The following SKI variants were observed in gnomAD, a reference collection of about 807,000 sequenced individuals.
SKI encodes the protein ski oncogene.
SKI carries 23 observed loss-of-function variants against 59.3 expected under a neutral mutation model. The ratio of observed to expected loss-of-function variants is 0.39; its 90% CI spans 0.28 to 0.55. SKI has a LOEUF of 0.55. SKI is among the 20% of genes least tolerant of loss of function. The pLI, the probability that SKI is intolerant of heterozygous loss-of-function variation, is 0.67. For synonymous variants in SKI, 673 were observed against 488.6 expected, an observed-to-expected ratio of 1.38 and a Z score of -4.98; for missense variants, 1,017 against 1,038.9, an observed-to-expected ratio of 0.98 and a Z score of 0.29.
chr1:2,305,880 C>A (rs1162938851), intron 5 of SKI, 140 bp from the exon 6 acceptor site: 10 of 741,902 alleles, frequency 1.3e-5, no homozygotes, highest in Non-Finnish European at 2.4e-5. Context: ...ACGGGTTGGG[C>A]TGATGGCGCG....
chr1:2,244,592 G>A (rs995117586), intron 1 of SKI, among the ~76,000 whole-genome samples: 3 of 152,006 alleles, frequency 2.0e-5, no homozygotes, highest in Non-Finnish European at 4.4e-5. Flanking sequence ...AAAACGAAAA[G>A]CAAAAACAAG....
intron 1 of SKI, among the ~76,000 whole-genome samples, chr1:2,232,945 C>G (rs572217361): frequency 1.2e-4 from 18 of 152,158 alleles, no homozygotes; most frequent in Admixed American, 9.8e-4. Context: ...TCTTTCCGGT[C>G]GGCTCGCCTC....
rs528751754 is a variant in SKI at position 2,306,374 on chromosome 1, G to T, written c.1998+124G>T. On this transcript the variant is annotated intron_variant, in intron 6 of 6. Coordinates refer to ENST00000378536, the MANE Select transcript of SKI (RefSeq NM_003036.4). ...GAAGCCAGGCCCGGGACCACGTTCC[G>T]TGCGTGCCCCCCCGACGGGCACAGG... 3.7e-5 allele frequency: 39 copies of T among 1,063,362 alleles called. No homozygotes were observed. In the South Asian group the frequency reaches 6.4e-4, roughly 17 times the overall value. 65.9% of individuals were successfully genotyped at this position (1,063,362 alleles called of 1,614,324 possible).
At position 2,285,484 on chromosome 1, in the gene SKI, C is replaced by T. The variant is rs557406019; in HGVS notation, c.970-17494C>T. On this transcript the variant is annotated intron_variant, in intron 1 of 6. Transcript: ENST00000378536. ...GAGCTGAGATCGTGCCACTGCACTCCAGCCTGGGTGACAAAAGCAAAAGTC... is the reference window on the plus strand; with the variant it reads ...GAGCTGAGATCGTGCCACTGCACTCTAGCCTGGGTGACAAAAGCAAAAGTC... Among the ~76,000 whole-genome samples the T allele has an allele frequency of 1.5e-4, 23 of 151,782 alleles. 1 individual carries two copies. The East Asian group carries it at 3.7e-3, about 25-fold the overall frequency.
In SKI at chr1:2,306,751, G is replaced by A; in HGVS notation, c.2173G>A (p.Glu725Lys). 6.6e-7 allele frequency: 1 copy of A among 1,523,008 alleles called. No individual in the cohort carries two copies. The highest frequency in any genetic ancestry group is 8.8e-7 in the Non-Finnish European group (1 of 1,138,424). The allele number at this position is 1,523,008 out of a possible 1,614,324, so 94.3% of individuals were successfully genotyped here. A position where few individuals can be genotyped will look rare whatever the true frequency, so the allele number is the denominator to read the frequency against. The change falls in exon 7 of 7, where the codon GAG (glutamate) becomes AAG (lysine). Residue 725 changes from glutamate (E) to lysine (K), a missense_variant. Coordinates refer to ENST00000378536, the MANE Select transcript of SKI (RefSeq NM_003036.4). ...PEAAGSEGAA[E>K]LEP ...GGCTGCGGGCAGCGAGGGCGCTGCG[G>A]AGCTGGAGCCGTAGATTCCGTGCCT...
chr1:2,240,291 C>A (rs763467791), intron 1 of SKI, among the ~76,000 whole-genome samples: 6 of 152,162 alleles, frequency 3.9e-5, no homozygotes, highest in Non-Finnish European at 7.3e-5. Context: ...GGGAAGCCAC[C>A]GGCAGAGAAG....
At chr1:2,299,309 G>A (rs569300398) in intron 1 of SKI, among the ~76,000 whole-genome samples, 62 of 152,264 alleles carry the variant, frequency 4.1e-4, no homozygotes, top group African/African-American at 1.4e-3. Context: ...TCCTCCTCAC[G>A]GACTCTGGAA....
chr1:2,242,790 G>T (rs1038496170), intron 1 of SKI, among the ~76,000 whole-genome samples: 1 of 152,200 alleles, frequency 6.6e-6, no homozygotes, highest in Non-Finnish European at 1.5e-5. Context: ...AAAGTGCTGT[G>T]AGCCACCACT....
At chr1:2,306,394 C>T in intron 6 of SKI, 144 bp downstream of exon 6, 1 of 1,009,748 alleles carries the variant, frequency 9.9e-7, no homozygotes, top group Non-Finnish European at 1.4e-6. Context: ...CCCCGACGGG[C>T]ACAGGGTGGG....
chr1:2,273,548 C>T (rs754991797), intron 1 of SKI, among the ~76,000 whole-genome samples: 6 of 152,256 alleles, frequency 3.9e-5, no homozygotes, highest in Non-Finnish European at 7.4e-5. Flanking sequence ...GCCAGGGACA[C>T]CCGTGACCCT....
intron 1 of SKI, among the ~76,000 whole-genome samples, chr1:2,260,529 CTTTTTCTT>C (rs1639362001): frequency 1.9e-5 from 1 of 51,322 alleles, no homozygotes; most frequent in African/African-American, 8.1e-5. Flanking sequence ...TCAGTTTGTT[CTTTTTCTT>C]TTTTTTTTTT....
Position 2,310,078 on chromosome 1 carries a change from T to C in SKI, c.*3313T>C, listed in dbSNP as rs1267392464. The C allele has an allele frequency of 1.3e-5, 2 of 151,586 alleles. No homozygotes were observed. The highest frequency in any genetic ancestry group is 6.6e-5 in the Admixed American group (1 of 15,216). 9.4% of individuals were successfully genotyped at this position (151,586 alleles called of 1,614,324 possible). A position where few individuals can be genotyped will look rare whatever the true frequency, so the allele number is the denominator to read the frequency against. ...TCGGAAACTATTTTTATGTAATTAA[T>C]GTATGCTTTCTTGTTTATAAATGCC... On this transcript the variant is annotated 3_prime_UTR_variant, in exon 7 of 7. Coordinates refer to ENST00000378536, the MANE Select transcript of SKI (RefSeq NM_003036.4).
intron 1 of SKI, among the ~76,000 whole-genome samples, chr1:2,273,078 C>G (rs191925750): frequency 1.1e-4 from 17 of 152,388 alleles, no homozygotes; most frequent in Admixed American, 5.9e-4. Flanking sequence ...CCACACGGCT[C>G]TTCCTGAGAT....
intron 1 of SKI, among the ~76,000 whole-genome samples, chr1:2,240,013 G>A (rs905590847): frequency 6.6e-6 from 1 of 152,212 alleles, no homozygotes; most frequent in African/African-American, 2.4e-5. Flanking sequence ...GCTGAACGTC[G>A]TTATTTGGAT....
intron 1 of SKI, among the ~76,000 whole-genome samples, chr1:2,239,479 A>G (rs1272971503): frequency 6.6e-6 from 1 of 152,192 alleles, no homozygotes; most frequent in African/African-American, 2.4e-5. Context: ...CGTTGGGGGA[A>G]CGGGAGAACC....
In SKI at chr1:2,268,278, C is replaced by T. The variant is rs1253522216; in HGVS notation, c.970-34700C>T. On this transcript the variant is annotated intron_variant, in intron 1 of 6. Transcript: ENST00000378536. This position sits in a 1 kb window ranked among gnomAD's most constrained non-coding sequence, Gnocchi z 5.0. The stretch of plus-strand genomic sequence containing the variant: ...TGCCCCTCCAGTGCCTCCCAGGGGG[C>T]TGTGTAGCCAGGTGTCTCAGAGGGC... Among the ~76,000 whole-genome samples, 1 of 152,168 alleles carries T rather than the reference C, an allele frequency of 6.6e-6. No individual in the cohort carries two copies. Among genetic ancestry groups the T allele is most frequent in the Non-Finnish European group, 1.5e-5 (1 of 68,014 alleles).
At chr1:2,234,169 C>A (rs1425099295) in intron 1 of SKI, among the ~76,000 whole-genome samples, 1 of 152,156 alleles carries the variant, frequency 6.6e-6, no homozygotes, top group African/African-American at 2.4e-5. Flanking sequence ...TGAGTCTTCT[C>A]AAGCAGGGGA....
intron 1 of SKI, among the ~76,000 whole-genome samples, chr1:2,288,340 T>G (rs1640089894): frequency 6.6e-6 from 1 of 152,250 alleles, no homozygotes. Flanking sequence ...CAGGCTGGTC[T>G]CTAACTCCTA....
chr1:2,251,126 T>C (rs1232332799), intron 1 of SKI, among the ~76,000 whole-genome samples: 1 of 152,192 alleles, frequency 6.6e-6, no homozygotes, highest in African/African-American at 2.4e-5. Flanking sequence ...CTGCTGCTGC[T>C]GGAGTCTCGC....
Sources: gnomAD v4.1 joint callset for allele counts (sites outside exome capture counted in the v4.1 genomes callset) on GRCh38, gnomAD v4.1.1 for gene constraint, Gnocchi (gnomAD v3.1) non-coding constraint, MANE v1.5 for transcripts, NCBI Gene and HGNC (gene_info 2026-07-23, HGNC 2026-07-21) for gene names.